The following PELI2 variants were observed in gnomAD, a reference collection of about 807,000 sequenced individuals.
PELI2 encodes the protein E3 ubiquitin-protein ligase pellino homolog 2.
A neutral mutation model predicts 42.3 loss-of-function variants in PELI2; 23 were observed. The observed-to-expected ratio is 0.54, with a 90% CI of 0.39 to 0.77. The LOEUF (loss-of-function observed/expected upper bound fraction) is 0.77, where lower values mean the gene tolerates loss of function less well. Ranked by LOEUF, PELI2 falls within the 30% of genes least tolerant of loss-of-function variation. The pLI is 0.00. For missense variants in PELI2, 463 were observed against 553.2 expected, an observed-to-expected ratio of 0.84 and a Z score of 1.64; for synonymous variants, 245 against 212.2, an observed-to-expected ratio of 1.15 and a Z score of -1.34.
At chr14:56,271,524 A>G (rs1889104678) in intron 2 of PELI2, among the ~76,000 whole-genome samples, 1 of 152,120 alleles carries the variant, frequency 6.6e-6, no homozygotes, top group Non-Finnish European at 1.5e-5. Flanking sequence ...TTTAGATTTT[A>G]TAGTGGACTG....
chr14:56,155,397 A>G lies in PELI2; in HGVS notation c.78-22938A>G, dbSNP rs573532234. On this transcript the variant is annotated intron_variant, in intron 1 of 5. Coordinates refer to ENST00000267460, the MANE Select transcript of PELI2 (RefSeq NM_021255.3). Reference sequence around the variant, plus strand: ...TATTTTGTGGTGGAATGTAAGATACAGCTTGAAACAATTCTTTTCTTTCAA... The same window carrying G: ...TATTTTGTGGTGGAATGTAAGATACGGCTTGAAACAATTCTTTTCTTTCAA... 1.1e-3 allele frequency among the ~76,000 whole-genome samples: 169 copies of G among 152,298 alleles called. 1 individual carries two copies. The highest frequency in any genetic ancestry group is 8.7e-3 in the South Asian group (42 of 4,832).
chr14:56,134,520 G>A (rs1264241480), intron 1 of PELI2, among the ~76,000 whole-genome samples: 1 of 151,910 alleles, frequency 6.6e-6, no homozygotes, highest in Non-Finnish European at 1.5e-5. Flanking sequence ...TTGATTCTTA[G>A]AGAACTTTGT....
chr14:56,152,140 T>A (rs560741333), intron 1 of PELI2, among the ~76,000 whole-genome samples: 3 of 152,314 alleles, frequency 2.0e-5, no homozygotes, highest in Middle Eastern at 3.4e-3. Flanking sequence ...TATGGTCACA[T>A]CCCTTTGTCC....
rs544272488 is a variant in PELI2, at chr14:56,164,810, A to G, written c.78-13525A>G. ...TTTTTCCATTTCTTCTAGATTTTCT[A>G]ATTTATTGGCATATAGTTGCTCATG... On this transcript the variant is annotated intron_variant, in intron 1 of 5. Coordinates refer to ENST00000267460, the MANE Select transcript of PELI2 (RefSeq NM_021255.3). Among the ~76,000 whole-genome samples, 186 of 152,160 alleles carry G rather than the reference A, an allele frequency of 1.2e-3. 1 individual carries two copies. Among genetic ancestry groups the G allele is most frequent in the Non-Finnish European group, 1.6e-3 (112 of 67,968 alleles).
intron 1 of PELI2, among the ~76,000 whole-genome samples, chr14:56,169,519 C>T (rs1204399226): frequency 6.6e-6 from 1 of 152,180 alleles, no homozygotes; most frequent in Non-Finnish European, 1.5e-5. Context: ...CTCCTCAGCT[C>T]CCAGAGAAGC....
chr14:56,229,716 C>A (rs533830048), intron 2 of PELI2, among the ~76,000 whole-genome samples: 2 of 152,152 alleles, frequency 1.3e-5, no homozygotes, highest in Non-Finnish European at 2.9e-5. Context: ...AGCTCCTCAC[C>A]AGCAACAGAA....
intron 1 of PELI2, among the ~76,000 whole-genome samples, chr14:56,162,284 G>A (rs1884794329): frequency 6.6e-6 from 1 of 151,660 alleles, no homozygotes; most frequent in Non-Finnish European, 1.5e-5. Flanking sequence ...CCAGCCACTG[G>A]TGACCATCTT....
intron 2 of PELI2, 58 bp downstream of exon 2, chr14:56,178,522 C>T (rs1048126411): frequency 1.1e-5 from 18 of 1,570,710 alleles, no homozygotes; most frequent in Non-Finnish European, 1.5e-5. Context: ...CACAGATACT[C>T]CTTGTCCGCT....
intron 1 of PELI2, among the ~76,000 whole-genome samples, chr14:56,130,612 C>G (rs1489572194): frequency 6.6e-6 from 1 of 152,038 alleles, no homozygotes; most frequent in Non-Finnish European, 1.5e-5. Context: ...GCTTTGCCCA[C>G]ATAAGTATTG....
At chr14:56,285,034 G>C (rs1044401026) in intron 3 of PELI2, among the ~76,000 whole-genome samples, 7 of 152,196 alleles carry the variant, frequency 4.6e-5, no homozygotes, top group African/African-American at 1.7e-4. Context: ...TAGGAATTTT[G>C]GGAAGCTGTT....
intron 2 of PELI2, among the ~76,000 whole-genome samples, chr14:56,247,775 T>TTC (rs1471475446): frequency 1.3e-5 from 2 of 152,228 alleles, no homozygotes; most frequent in Admixed American, 6.5e-5. Context: ...CTAACTATAT[T>TTC]TCTCCATTGT....
chr14:56,228,362 A>T (rs1395591720), intron 2 of PELI2, among the ~76,000 whole-genome samples: 1 of 152,236 alleles, frequency 6.6e-6, no homozygotes, highest in Non-Finnish European at 1.5e-5. Context: ...AGGAAAAAGA[A>T]ACAATTTTTT....
intron 2 of PELI2, among the ~76,000 whole-genome samples, chr14:56,207,261 A>G (rs1465800210): frequency 6.6e-6 from 1 of 152,192 alleles, no homozygotes; most frequent in Non-Finnish European, 1.5e-5. Context: ...TGTTCCTGTC[A>G]TTGTCATCAT....
At chr14:56,209,677 A>G (rs1886646008) in intron 2 of PELI2, among the ~76,000 whole-genome samples, 1 of 152,220 alleles carries the variant, frequency 6.6e-6, no homozygotes, top group South Asian at 2.1e-4. Context: ...GGGATTTTCC[A>G]GTCATTTTTA....
At chr14:56,287,640 C>T (rs1420740638) in intron 3 of PELI2, among the ~76,000 whole-genome samples, 1 of 151,860 alleles carries the variant, frequency 6.6e-6, no homozygotes, top group Non-Finnish European at 1.5e-5. Context: ...TTCATTAGGG[C>T]AAGAAATTAA....
chr14:56,291,434 A>G (rs1889826387), intron 5 of PELI2, among the ~76,000 whole-genome samples: 1 of 152,068 alleles, frequency 6.6e-6, no homozygotes, highest in African/African-American at 2.4e-5. Flanking sequence ...TTTTATTTCT[A>G]TTTTACACCA....
intron 2 of PELI2, among the ~76,000 whole-genome samples, chr14:56,262,135 A>G (rs979733725): frequency 1.3e-5 from 2 of 152,228 alleles, no homozygotes; most frequent in Non-Finnish European, 1.5e-5. Flanking sequence ...TGTATTTTAA[A>G]CTGCAATTTA....
chr14:56,281,382 A>G (rs1889476047), intron 3 of PELI2, among the ~76,000 whole-genome samples: 1 of 152,146 alleles, frequency 6.6e-6, no homozygotes, highest in African/African-American at 2.4e-5. Context: ...GAAAAAAGGC[A>G]TATGTCCACT....
chr14:56,146,870 A>G (rs142041677), intron 1 of PELI2, among the ~76,000 whole-genome samples: 1 of 152,188 alleles, frequency 6.6e-6, no homozygotes, highest in African/African-American at 2.4e-5. Context: ...GTAAATTGAT[A>G]CATTACTTTA....
Sources: gnomAD v4.1 joint callset for allele counts (sites outside exome capture counted in the v4.1 genomes callset) on GRCh38, gnomAD v4.1.1 for gene constraint, MANE v1.5 for transcripts, NCBI Gene and HGNC (gene_info 2026-07-23, HGNC 2026-07-21) for gene names.